The following PLA2G4A variants were observed in gnomAD, a reference collection of about 807,000 sequenced individuals.
PLA2G4A encodes phospholipase A2 group IVA, also known as cytosolic phospholipase A2.
In PLA2G4A, 40 loss-of-function variants were observed where a neutral mutation model predicts 81.9. That is an observed-to-expected ratio of 0.49 (90% CI 0.38 to 0.64). The LOEUF (loss-of-function observed/expected upper bound fraction) is 0.64. PLA2G4A is among the 30% of genes least tolerant of loss of function. The pLI is 0.00. For missense variants in PLA2G4A, 715 were observed against 905.1 expected (o/e 0.79, Z 2.69); for synonymous variants, 302 against 296.9 (o/e 1.02, Z -0.18).
rs1294341763 is a variant in PLA2G4A, at chr1:186,894,021, T to C, written c.265-77T>C. 6.6e-6 allele frequency: 5 copies of C among 752,180 alleles called. No homozygotes were observed. The East Asian group carries it at 1.2e-4, about 19-fold the overall frequency. The allele number at this position is 752,180 out of a possible 1,614,324, so 46.6% of individuals were successfully genotyped here. A position where few individuals can be genotyped will look rare whatever the true frequency, so the allele number is the denominator to read the frequency against. ...CATTTGAGAGCTTCATTTTTTTAAA[T>C]GTGGTGGAAATTATAGATGTCATTT... On this transcript the variant is annotated intron_variant, in intron 4 of 17. Transcript: ENST00000367466.
chr1:186,961,120 TA>T (rs1656926593), intron 14 of PLA2G4A, among the ~76,000 whole-genome samples: 1 of 151,998 alleles, frequency 6.6e-6, no homozygotes, highest in African/African-American at 2.4e-5. Flanking sequence ...ATGTGCAATC[TA>T]AAAAAGTTGA....
At chr1:186,928,551 C>T (rs1655631822) in intron 7 of PLA2G4A, among the ~76,000 whole-genome samples, 1 of 152,148 alleles carries the variant, frequency 6.6e-6, no homozygotes, top group East Asian at 1.9e-4. Flanking sequence ...CAGATTTGGA[C>T]TTGGCTGGTC....
At chr1:186,912,215 G>C (rs1197996362) in intron 7 of PLA2G4A, among the ~76,000 whole-genome samples, 1 of 152,064 alleles carries the variant, frequency 6.6e-6, no homozygotes, top group Non-Finnish European at 1.5e-5. Context: ...GTCTGGTCAG[G>C]CTAATAAAGA....
At chr1:186,851,919 C>T (rs528123548) in intron 1 of PLA2G4A, among the ~76,000 whole-genome samples, 5 of 151,726 alleles carry the variant, frequency 3.3e-5, no homozygotes, top group South Asian at 2.1e-4. Flanking sequence ...AAACTCATAT[C>T]GATATTGATT....
At chr1:186,916,357 T>C (rs1655136698) in intron 7 of PLA2G4A, among the ~76,000 whole-genome samples, 2 of 152,136 alleles carry the variant, frequency 1.3e-5, no homozygotes, top group Admixed American at 1.3e-4. Context: ...GACTGGATCC[T>C]TTTCATTTTT....
intron 9 of PLA2G4A, among the ~76,000 whole-genome samples, chr1:186,939,772 G>C (rs1656083947): frequency 6.6e-6 from 1 of 152,144 alleles, no homozygotes; most frequent in South Asian, 2.1e-4. Context: ...ATATAATCTA[G>C]AGTTATGATT....
chr1:186,956,633 C>T (rs891290629), intron 14 of PLA2G4A, among the ~76,000 whole-genome samples: 4 of 152,088 alleles, frequency 2.6e-5, no homozygotes, highest in African/African-American at 9.7e-5. Flanking sequence ...CCTGCCTCAG[C>T]TTCCTGAGTA....
chr1:186,979,675 C>T (rs1657652762), intron 17 of PLA2G4A, among the ~76,000 whole-genome samples: 1 of 152,020 alleles, frequency 6.6e-6, no homozygotes, highest in South Asian at 2.1e-4. Flanking sequence ...TCATTTTATG[C>T]TATTATTTTA....
chr1:186,956,427 A>G (rs567024972), intron 14 of PLA2G4A, 83 bp downstream of exon 14: 4 of 1,180,634 alleles, frequency 3.4e-6, no homozygotes, highest in Non-Finnish European at 5.1e-6. Flanking sequence ...AATTATTATT[A>G]ACACTTACTC....
In PLA2G4A at chr1:186,962,811, G is replaced by T. The variant is rs572194190; in HGVS notation, c.1580-2598G>T. On this transcript the variant is annotated intron_variant, in intron 14 of 17. Coordinates refer to ENST00000367466, the MANE Select transcript of PLA2G4A (RefSeq NM_024420.3). ...CTGGGATTAACAGGCGTGAGCCACT[G>T]CGCCCGGTCACTTTGTGTTATTATT... 1.9e-3 allele frequency among the ~76,000 whole-genome samples: 205 copies of T among 108,858 alleles called. 2 individuals carry two copies. The highest frequency in any genetic ancestry group is 2.6e-3 in the Non-Finnish European group (141 of 54,500). The allele number at this position is 108,858 out of a possible 152,430, so 71.4% of individuals were successfully genotyped here. A position where few individuals can be genotyped will look rare whatever the true frequency, so the allele number is the denominator to read the frequency against.
intron 8 of PLA2G4A, among the ~76,000 whole-genome samples, chr1:186,936,701 T>C (rs999467136): frequency 2.0e-5 from 3 of 151,936 alleles, no homozygotes; most frequent in Admixed American, 6.6e-5. Flanking sequence ...GACCATTTGA[T>C]TTGGAGACAA....
chr1:186,853,239 G>T (rs931464096), intron 1 of PLA2G4A, among the ~76,000 whole-genome samples: 1 of 151,396 alleles, frequency 6.6e-6, no homozygotes, highest in African/African-American at 2.4e-5. Context: ...ACTCAAGAGC[G>T]TATTAGAAGA....
intron 17 of PLA2G4A, among the ~76,000 whole-genome samples, chr1:186,980,356 T>A (rs1657682542): frequency 6.6e-6 from 1 of 152,172 alleles, no homozygotes; most frequent in South Asian, 2.1e-4. Flanking sequence ...ATTCTGTGTC[T>A]AGGTGAAATT....
intron 10 of PLA2G4A, among the ~76,000 whole-genome samples, chr1:186,944,653 A>G (rs1364264824): frequency 6.6e-6 from 1 of 152,204 alleles, no homozygotes; most frequent in Non-Finnish European, 1.5e-5. Context: ...CACTTCCTTC[A>G]TGAAAGGAAG....
rs1657985689 is a variant in PLA2G4A at position 186,988,976 on chromosome 1, A to AAAT, written c.*471_*473dup. 6.5e-6 allele frequency: 1 copy of AAAT among 153,110 alleles called. No homozygotes were observed. Among genetic ancestry groups the AAAT allele is most frequent in the African/African-American group, 2.4e-5 (1 of 41,428 alleles). 9.5% of individuals were successfully genotyped at this position (153,110 alleles called of 1,614,324 possible). On this transcript the variant is annotated 3_prime_UTR_variant, in exon 18 of 18. Transcript: ENST00000367466. The stretch of plus-strand genomic sequence containing the variant: ...ACATGAAATAAATACATCAATATAA[A>AAAT]AATAAGCATGAGATAACTGAGTTTT...
intron 1 of PLA2G4A, among the ~76,000 whole-genome samples, chr1:186,850,521 A>AT (rs59404363): frequency 0.83 from 126,484 of 151,612 alleles, 52,888 homozygotes; most frequent in African/African-American, 0.89. Flanking sequence ...CAAGGTAAGA[A>AT]GTCTTATATA....
chr1:186,957,987 T>C (rs1656813515), intron 14 of PLA2G4A, among the ~76,000 whole-genome samples: 1 of 152,240 alleles, frequency 6.6e-6, no homozygotes, highest in Non-Finnish European at 1.5e-5. Flanking sequence ...TACTGCCTTT[T>C]GTTTAAGCAT....
In PLA2G4A at chr1:186,979,332, G is replaced by A. The variant is rs1391570704; in HGVS notation, c.1978G>A (p.Glu660Lys). The change falls in exon 17 of 18, where the codon GAG becomes AAG. Residue 660 changes from glutamate (E) to lysine (K), a missense_variant. Glu to Lys is a moderately conservative substitution (Grantham distance 56, BLOSUM62 1). Transcript: ENST00000367466. The stretch of plus-strand genomic sequence containing the variant: ...GTATTTAGGTGTTCCAAGGGAAACT[G>A]AGGAAGAGAAAGAAATCGCTGACTT... ...YRAPGVPRET[E>K]EEKEIADFDI... The A allele has an allele frequency of 4.3e-6, 7 of 1,612,586 alleles. No homozygotes were observed. Among genetic ancestry groups the A allele is most frequent in the Non-Finnish European group, 5.9e-6 (7 of 1,178,548 alleles).
chr1:186,943,811 G>A (rs1656243603), intron 10 of PLA2G4A, among the ~76,000 whole-genome samples: 1 of 152,134 alleles, frequency 6.6e-6, no homozygotes, highest in Admixed American at 6.5e-5. Context: ...CCAAGTTATG[G>A]AATGATTTTA....
Sources: allele counts gnomAD v4.1 joint callset (sites outside exome capture counted in the v4.1 genomes callset), GRCh38; gene constraint gnomAD v4.1.1; transcripts MANE v1.5; gene names NCBI Gene and HGNC (gene_info 2026-07-23, HGNC 2026-07-21).